The following HIPK3 variants were observed in gnomAD, a reference collection of about 807,000 sequenced individuals.
HIPK3 encodes homeodomain interacting protein kinase 3.
HIPK3 carries 47 observed loss-of-function variants against 124.2 expected under a neutral mutation model. The ratio of observed to expected loss-of-function variants is 0.38; its 90% CI spans 0.30 to 0.48. The LOEUF (loss-of-function observed/expected upper bound fraction) is 0.48, where lower values mean the gene tolerates loss of function less well. Among genes scored for constraint, HIPK3 ranks in the 20% least tolerant of loss-of-function variants. HIPK3 has a pLI of 0.98. For missense variants in HIPK3, 1,286 were observed against 1,454.3 expected, an observed-to-expected ratio of 0.88 and a Z score of 1.88; for synonymous variants, 482 against 515.2, an observed-to-expected ratio of 0.94 and a Z score of 0.87.
rs775503615 is a variant in HIPK3, at chr11:33,338,840, G to A, written c.1425G>A (p.Ala475=). 17 of 1,605,654 alleles carry A rather than the reference G, an allele frequency of 1.1e-5. No individual in the cohort carries two copies. The East Asian group carries it at 2.2e-4, about 21-fold the overall frequency. The change falls in exon 5 of 17, where the codon GCG becomes GCA. Residue 475 remains alanine, a synonymous_variant. Coordinates refer to ENST00000303296, the MANE Select transcript of HIPK3 (RefSeq NM_005734.5). ...KYIFNSLDDV[A]HVNTVMDLEG... is the part of the protein sequence containing the mutation. ...TTTTCAACAGTCTGGATGATGTAGCGCATGTGAGTACCATAGCCACATTTG... is the reference window on the plus strand; with the variant it reads ...TTTTCAACAGTCTGGATGATGTAGCACATGTGAGTACCATAGCCACATTTG...
chr11:33,256,821 T>C, upstream of HIPK3: 1 of 440,244 alleles, frequency 2.3e-6, no homozygotes, highest in African/African-American at 2.1e-5. Flanking sequence ...AGAGGACCCT[T>C]CCCCCGTCCT....
intron 2 of HIPK3, among the ~76,000 whole-genome samples, chr11:33,307,438 G>A (rs1304576143): frequency 2.9e-5 from 4 of 140,242 alleles, no homozygotes; most frequent in African/African-American, 5.4e-5. Context: ...TTGCTCTGTC[G>A]CCCAGGCTGG....
chr11:33,274,969 C>G lies in HIPK3; in HGVS notation c.-2-11444C>G, dbSNP rs915942675. On this transcript the variant is annotated intron_variant, in intron 1 of 16. Coordinates refer to ENST00000303296, the MANE Select transcript of HIPK3 (RefSeq NM_005734.5). ...ATTTTCAAAATAAATGTTCTGTAGGCACCTCAGACAGCAGGTTTAGTTTAT... is the reference window on the plus strand; with the variant it reads ...ATTTTCAAAATAAATGTTCTGTAGGGACCTCAGACAGCAGGTTTAGTTTAT... Among the ~76,000 whole-genome samples, 3 of 152,136 alleles carry G rather than the reference C, an allele frequency of 2.0e-5. No individual in the cohort carries two copies. In the East Asian group the frequency reaches 5.8e-4, roughly 29 times the overall value.
intron 1 of HIPK3, among the ~76,000 whole-genome samples, chr11:33,282,100 T>A (rs914983724): frequency 6.6e-6 from 1 of 152,200 alleles, no homozygotes; most frequent in Non-Finnish European, 1.5e-5. Context: ...AATTTATCTG[T>A]TGGCCAAGCT....
chr11:33,305,646 T>C (rs1852134790), intron 2 of HIPK3, among the ~76,000 whole-genome samples: 2 of 152,202 alleles, frequency 1.3e-5, no homozygotes, highest in South Asian at 4.1e-4. Context: ...TGGATCTCTA[T>C]TTCCCACAAT....
intron 1 of HIPK3, among the ~76,000 whole-genome samples, chr11:33,266,058 C>CAA (rs541701602): frequency 4.2e-4 from 21 of 49,590 alleles, no homozygotes; most frequent in South Asian, 2.8e-3. Flanking sequence ...GACTCCATCT[C>CAA]AAAAAAAAAA....
At chr11:33,265,147 G>C (rs1244077215) in intron 1 of HIPK3, among the ~76,000 whole-genome samples, 1 of 152,194 alleles carries the variant, frequency 6.6e-6, no homozygotes, top group African/African-American at 2.4e-5. Flanking sequence ...ATAGGGTGTA[G>C]TGACATAAAA....
intron 2 of HIPK3, among the ~76,000 whole-genome samples, chr11:33,294,245 C>T (rs1451272512): frequency 6.6e-6 from 1 of 151,184 alleles, no homozygotes; most frequent in Non-Finnish European, 1.5e-5. Flanking sequence ...TTAACTTTTA[C>T]ATTGAAATTA....
At chr11:33,327,332 A>T (rs1852840311) in intron 2 of HIPK3, among the ~76,000 whole-genome samples, 1 of 152,166 alleles carries the variant, frequency 6.6e-6, no homozygotes, top group South Asian at 2.1e-4. Flanking sequence ...CATCAGACAA[A>T]CCCACACTGA....
intron 1 of HIPK3, among the ~76,000 whole-genome samples, chr11:33,280,282 G>T (rs1052659442): frequency 6.6e-6 from 1 of 152,144 alleles, no homozygotes; most frequent in African/African-American, 2.4e-5. Flanking sequence ...ATGAAAAATA[G>T]GAAATAGTAT....
intron 2 of HIPK3, among the ~76,000 whole-genome samples, chr11:33,327,108 TG>T (rs1180641599): frequency 5.9e-5 from 9 of 152,090 alleles, no homozygotes; most frequent in African/African-American, 2.2e-4. Flanking sequence ...TGATAAGAAA[TG>T]GATTATTTAT....
chr11:33,258,210 C>T (rs1012561562), intron 1 of HIPK3: 1 of 713,660 alleles, frequency 1.4e-6, no homozygotes, highest in South Asian at 6.3e-5. Context: ...CCTCGGCCCC[C>T]CCTCCCCCTG....
intron 1 of HIPK3, among the ~76,000 whole-genome samples, chr11:33,258,975 A>G (rs1157412282): frequency 1.3e-5 from 2 of 152,134 alleles, no homozygotes; most frequent in African/African-American, 4.8e-5. Context: ...GCTCTATTGT[A>G]AACTTTGTTT....
chr11:33,333,180 C>T (rs190959607), intron 3 of HIPK3, among the ~76,000 whole-genome samples: 16 of 152,242 alleles, frequency 1.1e-4, no homozygotes, highest in Admixed American at 6.5e-4. Context: ...TCACAAGGAT[C>T]TAAGAATGGA....
At chr11:33,326,807 G>A (rs1294900257) in intron 2 of HIPK3, among the ~76,000 whole-genome samples, 1 of 151,992 alleles carries the variant, frequency 6.6e-6, no homozygotes, top group East Asian at 1.9e-4. Context: ...AAATAGCTGG[G>A]ACTACAGGTG....
intron 2 of HIPK3, among the ~76,000 whole-genome samples, chr11:33,326,973 G>A (rs1411748868): frequency 6.6e-6 from 1 of 152,100 alleles, no homozygotes; most frequent in Non-Finnish European, 1.5e-5. Context: ...GAGCTACCAC[G>A]CCAAATCTGG....
chr11:33,298,447 C>T (rs928006544), intron 2 of HIPK3, among the ~76,000 whole-genome samples: 23 of 152,208 alleles, frequency 1.5e-4, no homozygotes, highest in African/African-American at 5.5e-4. Flanking sequence ...ATTCTGCAGT[C>T]CCTGCATGCA....
At position 33,354,510 on chromosome 11, in the gene HIPK3, T is replaced by G. The variant is rs1853762944; in HGVS notation, c.*942T>G. On this transcript the variant is annotated 3_prime_UTR_variant, in exon 17 of 17. Coordinates refer to ENST00000303296, the MANE Select transcript of HIPK3 (RefSeq NM_005734.5). The stretch of plus-strand genomic sequence containing the variant: ...CTGTATAATTGGACTTAATAAAATG[T>G]TTAGAGGTACAGTAGGCATGACTTT... 1 of 152,586 alleles carries G rather than the reference T, an allele frequency of 6.6e-6. No homozygotes were observed. Among genetic ancestry groups the G allele is most frequent in the Non-Finnish European group, 1.5e-5 (1 of 68,000 alleles). 9.5% of individuals were successfully genotyped at this position (152,586 alleles called of 1,614,324 possible). A position where few individuals can be genotyped will look rare whatever the true frequency, so the allele number is the denominator to read the frequency against.
chr11:33,295,789 A>G (rs918587790), intron 2 of HIPK3, among the ~76,000 whole-genome samples: 11 of 152,214 alleles, frequency 7.2e-5, no homozygotes, highest in Admixed American at 6.5e-4. Context: ...CATGATGTCA[A>G]TTTGTCCCAT....
Sources: allele counts gnomAD v4.1 joint callset (sites outside exome capture counted in the v4.1 genomes callset), GRCh38; gene constraint gnomAD v4.1.1; transcripts MANE v1.5; gene names NCBI Gene and HGNC (gene_info 2026-07-23, HGNC 2026-07-21).